The following CDH13 variants were observed in gnomAD, a reference collection of about 807,000 sequenced individuals.
CDH13 encodes cadherin-13.
In CDH13, 24 loss-of-function variants were observed where a neutral mutation model predicts 63.8. The ratio of observed to expected loss-of-function variants is 0.38; its 90% CI spans 0.27 to 0.53. The LOEUF is 0.53. Among genes scored for constraint, CDH13 ranks in the 20% least tolerant of loss-of-function variants. The pLI is 0.85. For missense variants in CDH13, 1,049 were observed against 903.1 expected (o/e 1.16, Z -2.07); for synonymous variants, 503 against 355.3 (o/e 1.42, Z -4.67).
At chr16:83,568,349 C>A (rs62040168) in intron 7 of CDH13, among the ~76,000 whole-genome samples, 14,357 of 152,146 alleles carry the variant, frequency 0.094, 1,028 homozygotes, top group African/African-American at 0.19. Flanking sequence ...AGGAAGAAAA[C>A]ACAGGATGAA....
At chr16:82,670,984 T>C (rs1913172979) in intron 1 of CDH13, among the ~76,000 whole-genome samples, 1 of 152,206 alleles carries the variant, frequency 6.6e-6, no homozygotes, top group African/African-American at 2.4e-5. Context: ...CAATGATGAT[T>C]ATCATGTATT....
chr16:83,783,643 C>A (rs553643998), intron 13 of CDH13, among the ~76,000 whole-genome samples, 171 bp downstream of exon 13: 1 of 152,312 alleles, frequency 6.6e-6, no homozygotes, highest in Non-Finnish European at 1.5e-5. Flanking sequence ...AGTGCTCCCA[C>A]TGATGTTTAA....
intron 3 of CDH13, among the ~76,000 whole-genome samples, chr16:83,056,176 A>G (rs1382151466): frequency 6.6e-6 from 1 of 152,198 alleles, no homozygotes; most frequent in Non-Finnish European, 1.5e-5. Flanking sequence ...TATTATACAC[A>G]CATGTGAAAA....
intron 10 of CDH13, among the ~76,000 whole-genome samples, chr16:83,700,701 C>G (rs1293538946): frequency 6.6e-6 from 1 of 152,190 alleles, no homozygotes; most frequent in East Asian, 1.9e-4. Context: ...AAAAAATTAA[C>G]AAACATGGAG....
At chr16:83,666,697 C>G (rs1160749253) in intron 8 of CDH13, among the ~76,000 whole-genome samples, 7 of 152,160 alleles carry the variant, frequency 4.6e-5, no homozygotes, top group Admixed American at 2.6e-4. Context: ...TTTGCTCTTC[C>G]TCTTTCAGAT....
intron 4 of CDH13, among the ~76,000 whole-genome samples, chr16:83,159,756 A>G (rs1386955898): frequency 6.6e-6 from 1 of 152,204 alleles, no homozygotes; most frequent in African/African-American, 2.4e-5. Flanking sequence ...ACTGTACCAC[A>G]TTGAGCTGGA....
intron 1 of CDH13, among the ~76,000 whole-genome samples, chr16:82,630,014 G>T (rs1035335485): frequency 6.6e-6 from 1 of 152,164 alleles, no homozygotes; most frequent in African/African-American, 2.4e-5. Flanking sequence ...AGTCGCTTGG[G>T]AGTGACTGAA....
intron 4 of CDH13, among the ~76,000 whole-genome samples, chr16:83,214,579 CAA>C (rs751124100): frequency 0.015 from 605 of 39,750 alleles, 1 homozygote; most frequent in African/African-American, 0.049. Context: ...GACTCTGTCT[CAA>C]AAAAAAAAAA....
intron 1 of CDH13, among the ~76,000 whole-genome samples, chr16:82,647,643 A>C (rs1452354316): frequency 6.6e-6 from 1 of 152,146 alleles, no homozygotes; most frequent in Non-Finnish European, 1.5e-5. Context: ...CATTGATTCA[A>C]AGCTGCCCCA....
intron 4 of CDH13, among the ~76,000 whole-genome samples, chr16:83,153,044 G>A (rs1274141459): frequency 6.6e-6 from 1 of 152,226 alleles, no homozygotes; most frequent in Non-Finnish European, 1.5e-5. Context: ...CCTACCCAGA[G>A]CCAACTTCTC....
At chr16:83,647,010 C>T (rs535774445) in intron 8 of CDH13, among the ~76,000 whole-genome samples, 123 of 152,018 alleles carry the variant, frequency 8.1e-4, no homozygotes, top group African/African-American at 2.8e-3. Context: ...TCCCCTGGGT[C>T]TTAAATTACA....
intron 1 of CDH13, among the ~76,000 whole-genome samples, chr16:82,832,397 T>TA (rs1333296550): frequency 6.6e-6 from 1 of 152,174 alleles, no homozygotes; most frequent in Non-Finnish European, 1.5e-5. Flanking sequence ...AGTAGGTACT[T>TA]ACGACTTAGG....
intron 7 of CDH13, among the ~76,000 whole-genome samples, chr16:83,552,523 A>G (rs968418976): frequency 6.6e-6 from 1 of 152,180 alleles, no homozygotes; most frequent in Non-Finnish European, 1.5e-5. Context: ...AAATGTTGAT[A>G]CCGCAGAATA....
intron 4 of CDH13, among the ~76,000 whole-genome samples, chr16:83,137,479 G>A (rs961946001): frequency 3.9e-5 from 6 of 152,090 alleles, no homozygotes; most frequent in African/African-American, 7.2e-5. Flanking sequence ...TCGTGTCTTC[G>A]TTTAACAAAT....
At chr16:83,543,279 G>A (rs1487102343) in intron 7 of CDH13, among the ~76,000 whole-genome samples, 1 of 152,168 alleles carries the variant, frequency 6.6e-6, no homozygotes, top group Non-Finnish European at 1.5e-5. Flanking sequence ...GAACATAGCT[G>A]TCACTCCTCA....
intron 3 of CDH13, among the ~76,000 whole-genome samples, chr16:83,080,578 A>G (rs753830854): frequency 1.3e-5 from 2 of 152,112 alleles, no homozygotes; most frequent in African/African-American, 4.8e-5. Context: ...TTTAAAGATG[A>G]GGACACTAAG....
At chr16:82,910,090 C>A (rs1283435837) in intron 2 of CDH13, among the ~76,000 whole-genome samples, 1 of 152,174 alleles carries the variant, frequency 6.6e-6, no homozygotes, top group Non-Finnish European at 1.5e-5. Flanking sequence ...AATTCTCCAC[C>A]CCTCTTTACG....
chr16:83,219,049 G>C (rs928120693), intron 5 of CDH13, among the ~76,000 whole-genome samples: 4 of 151,970 alleles, frequency 2.6e-5, no homozygotes, highest in Admixed American at 1.3e-4. Context: ...CCCAGTCCCG[G>C]GTATGTCTTC....
chr16:83,784,569 T>G (rs1452293240), intron 13 of CDH13, among the ~76,000 whole-genome samples: 1 of 149,666 alleles, frequency 6.7e-6, no homozygotes. Context: ...GAGGCGGAGG[T>G]TGCAGTGAGC....
Sources: gnomAD v4.1 joint callset for allele counts (sites outside exome capture counted in the v4.1 genomes callset) on GRCh38, gnomAD v4.1.1 for gene constraint, MANE v1.5 for transcripts, NCBI Gene and HGNC (gene_info 2026-07-23, HGNC 2026-07-21) for gene names.